Variants in NWD2 observed in about 807,000 individuals in gnomAD.
The protein encoded by NWD2 is NACHT and WD repeat domain-containing protein 2.
NWD2 carries 37 observed loss-of-function variants against 132.7 expected under a neutral mutation model. The observed-to-expected ratio is 0.28, with a 90% confidence interval of 0.21 to 0.37. The LOEUF (loss-of-function observed/expected upper bound fraction) is 0.37, where lower values mean the gene tolerates loss of function less well. Ranked by LOEUF, NWD2 falls within the 10% of genes least tolerant of loss-of-function variation. The pLI, the probability that NWD2 is intolerant of heterozygous loss-of-function variation, is 1.00. For missense variants in NWD2, 1,592 were observed against 2,122.4 expected, an observed-to-expected ratio of 0.75 and a Z score of 4.91; for synonymous variants, 705 against 803.0, an observed-to-expected ratio of 0.88 and a Z score of 2.06.
Position 37,444,113 on chromosome 4 carries a change from G to A in NWD2, c.2125G>A (p.Ala709Thr). ...NPLRVPYLYI[A>T]RLKEGLSGYL... ...CCTGAGAGTACCTTACTTGTACATT[G>A]CAAGGCTCAAGGAGGGTCTCAGTGG... The change falls in exon 7 of 7, where the codon GCA (alanine) becomes ACA (threonine). Residue 709 changes from alanine to threonine, a missense_variant. Coordinates refer to ENST00000309447, the MANE Select transcript of NWD2 (RefSeq NM_001144990.2). This position sits in a 1 kb window ranked among gnomAD's most constrained non-coding sequence, Gnocchi z 4.8. 6.4e-7 allele frequency: 1 copy of A among 1,551,724 alleles called. No individual in the cohort carries two copies. Among genetic ancestry groups the A allele is most frequent in the South Asian group, 1.2e-5 (1 of 84,050 alleles).
intron 1 of NWD2, among the ~76,000 whole-genome samples, chr4:37,264,449 T>C (rs1310008352): frequency 6.6e-6 from 1 of 152,118 alleles, no homozygotes; most frequent in Non-Finnish European, 1.5e-5. Flanking sequence ...TAGGTCATTT[T>C]GTTGTGCAGC....
chr4:37,286,734 G>A (rs1718239611), intron 1 of NWD2, among the ~76,000 whole-genome samples: 1 of 152,158 alleles, frequency 6.6e-6, no homozygotes, highest in Non-Finnish European at 1.5e-5. Flanking sequence ...ATGAGGTTTG[G>A]TGAACCAGTG....
Position 37,374,754 on chromosome 4 carries a change from G to GA in NWD2, c.357+18275dup, listed in dbSNP as rs1206684912. 4.6e-5 allele frequency among the ~76,000 whole-genome samples: 7 copies of GA among 152,146 alleles called. 1 individual carries two copies. The highest frequency in any genetic ancestry group is 3.9e-4 in the Admixed American group (6 of 15,272). On this transcript the variant is annotated intron_variant, in intron 3 of 6. Coordinates refer to ENST00000309447, the MANE Select transcript of NWD2 (RefSeq NM_001144990.2). ...ATAAGGTTATTTAGCCACAGATATA[G>GA]AAATAATAACAGCAACAATACTAAT...
At chr4:37,313,577 C>T (rs1163554923) in intron 1 of NWD2, among the ~76,000 whole-genome samples, 9 of 150,928 alleles carry the variant, frequency 6.0e-5, no homozygotes, top group Non-Finnish European at 1.5e-5. Context: ...TTCAAAAAAC[C>T]AGCTCTTGGA....
At position 37,325,511 on chromosome 4, in the gene NWD2, A is replaced by C. The variant is rs1719151169; in HGVS notation, c.152-425A>C. 1.3e-5 allele frequency among the ~76,000 whole-genome samples: 2 copies of C among 152,062 alleles called. 1 individual carries two copies. Among genetic ancestry groups the C allele is most frequent in the Admixed American group, 1.3e-4 (2 of 15,258 alleles). On this transcript the variant is annotated intron_variant, in intron 1 of 6. Coordinates refer to ENST00000309447, the MANE Select transcript of NWD2 (RefSeq NM_001144990.2). The stretch of plus-strand genomic sequence containing the variant: ...TAGTCTGGGATGTTTTTGGAAATCA[A>C]TAATTAAATTTATCAACGTGTGTGT...
In NWD2 at chr4:37,447,113, A is replaced by G; in HGVS notation, c.5125A>G (p.Thr1709Ala). The G allele has an allele frequency of 1.3e-6, 2 of 1,551,550 alleles. No individual in the cohort carries two copies. The highest frequency in any genetic ancestry group is 1.2e-5 in the South Asian group (1 of 84,066). ...RDSPITVSDSTESNEATPSKK... is the reference protein window; with the variant it reads ...RDSPITVSDSAESNEATPSKK... ...CAGCCCCATCACAGTTAGTGACTCTACTGAGTCCAATGAAGCAACACCCTC... is the reference window on the plus strand; with the variant it reads ...CAGCCCCATCACAGTTAGTGACTCTGCTGAGTCCAATGAAGCAACACCCTC... Residue 1709 changes from threonine (T) to alanine (A), a missense_variant, in exon 7 of 7, where the codon ACT (threonine) becomes GCT (alanine). Coordinates refer to ENST00000309447, the MANE Select transcript of NWD2 (RefSeq NM_001144990.2).
At chr4:37,386,885 G>A (rs372845338) in intron 3 of NWD2, among the ~76,000 whole-genome samples, 1 of 149,434 alleles carries the variant, frequency 6.7e-6, no homozygotes, top group African/African-American at 2.6e-5. Context: ...CTTTCCGTGT[G>A]TCATGTCTGT....
At chr4:37,424,215 CAT>C (rs1428621070) in intron 3 of NWD2, among the ~76,000 whole-genome samples, 2 of 152,212 alleles carry the variant, frequency 1.3e-5, no homozygotes, top group Non-Finnish European at 2.9e-5. Context: ...CACATTCATA[CAT>C]GGTAGCCCTG....
chr4:37,295,838 C>T (rs964090358), intron 1 of NWD2, among the ~76,000 whole-genome samples: 2 of 152,200 alleles, frequency 1.3e-5, no homozygotes, highest in South Asian at 2.1e-4. Context: ...CTAGTCTTCA[C>T]GCTGAAAGTA....
intron 3 of NWD2, among the ~76,000 whole-genome samples, chr4:37,420,358 T>G (rs1419851757): frequency 6.6e-6 from 1 of 152,156 alleles, no homozygotes; most frequent in Non-Finnish European, 1.5e-5. Flanking sequence ...CCTCAAACTA[T>G]CTAATCCATG....
At chr4:37,340,685 T>C (rs1012449415) in intron 2 of NWD2, among the ~76,000 whole-genome samples, 1 of 152,136 alleles carries the variant, frequency 6.6e-6, no homozygotes, top group African/African-American at 2.4e-5. Context: ...GGGAGATGGC[T>C]AGGTTAAAAG....
intron 1 of NWD2, among the ~76,000 whole-genome samples, chr4:37,322,826 T>G (rs1378981722): frequency 6.6e-6 from 1 of 152,158 alleles, no homozygotes; most frequent in Non-Finnish European, 1.5e-5. Context: ...TGTTGGCTCT[T>G]GGAGGGTGTA....
intron 1 of NWD2, among the ~76,000 whole-genome samples, chr4:37,292,352 A>G (rs80235324): frequency 6.6e-6 from 1 of 152,156 alleles, no homozygotes. Flanking sequence ...TTATGAAAAA[A>G]GGTTGAAGGG....
intron 3 of NWD2, among the ~76,000 whole-genome samples, chr4:37,413,200 G>A (rs1721197490): frequency 6.6e-6 from 1 of 152,144 alleles, no homozygotes; most frequent in African/African-American, 2.4e-5. Flanking sequence ...CGGAATGGGA[G>A]AAAATTTTTG....
chr4:37,342,791 G>A (rs1291378784), intron 2 of NWD2, among the ~76,000 whole-genome samples: 2 of 152,144 alleles, frequency 1.3e-5, no homozygotes, highest in Non-Finnish European at 2.9e-5. Context: ...TCAGGTCTAG[G>A]CAGTTAGTTG....
At chr4:37,394,538 C>T (rs1720740521) in intron 3 of NWD2, among the ~76,000 whole-genome samples, 1 of 152,098 alleles carries the variant, frequency 6.6e-6, no homozygotes, top group African/African-American at 2.4e-5. Flanking sequence ...GAGTAGATTG[C>T]CCACTCCAAC....
intron 5 of NWD2, among the ~76,000 whole-genome samples, chr4:37,437,532 C>A (rs1712353200): frequency 6.6e-6 from 1 of 152,104 alleles, no homozygotes; most frequent in African/African-American, 2.4e-5. Context: ...TCTCAATGTT[C>A]TGTTTTCTCT....
chr4:37,428,456 G>A (rs927655869), intron 3 of NWD2, among the ~76,000 whole-genome samples: 2 of 152,234 alleles, frequency 1.3e-5, no homozygotes, highest in African/African-American at 4.8e-5. Context: ...TGCTAGATAA[G>A]ATGAAGATTA....
chr4:37,397,418 A>G (rs1457619228), intron 3 of NWD2, among the ~76,000 whole-genome samples: 4 of 152,198 alleles, frequency 2.6e-5, no homozygotes, highest in African/African-American at 4.8e-5. Context: ...ATTACCCTCC[A>G]TCATGTGGAT....
Sources: allele counts gnomAD v4.1 joint callset (sites outside exome capture counted in the v4.1 genomes callset), GRCh38; gene constraint gnomAD v4.1.1; non-coding constraint Gnocchi (gnomAD v3.1); transcripts MANE v1.5; gene names NCBI Gene and HGNC (gene_info 2026-07-23, HGNC 2026-07-21).